The following HCRTR2 variants were observed in gnomAD, a reference collection of about 807,000 sequenced individuals.
HCRTR2 encodes the protein hypocretin receptor 2, also known as orexin receptor type 2.
A neutral mutation model predicts 49.0 loss-of-function variants in HCRTR2; 22 were observed. The ratio of observed to expected loss-of-function variants is 0.45; its 90% CI spans 0.32 to 0.64. HCRTR2 has a LOEUF of 0.64. Ranked by LOEUF, HCRTR2 falls within the 30% of genes least tolerant of loss-of-function variation. The probability of loss-of-function intolerance (pLI) is 0.04; values close to 1 mark genes in which losing one functional copy is unlikely to be tolerated. For missense variants in HCRTR2, 491 were observed against 559.4 expected (o/e 0.88, Z 1.23); for synonymous variants, 236 against 205.3 (o/e 1.15, Z -1.28).
chr6:55,241,541 G>T (rs1053855112), intron 1 of HCRTR2, among the ~76,000 whole-genome samples: 27 of 151,958 alleles, frequency 1.8e-4, no homozygotes, highest in Non-Finnish European at 3.5e-4. Flanking sequence ...AAACAACCAA[G>T]AAATCGCAAA....
chr6:55,197,039 CAAAACT>C (rs1765428748), intron 1 of HCRTR2, among the ~76,000 whole-genome samples: 1 of 152,114 alleles, frequency 6.6e-6, no homozygotes. Flanking sequence ...CTCTGTACTT[CAAAACT>C]AAAACTAATT....
intron 4 of HCRTR2, among the ~76,000 whole-genome samples, chr6:55,265,312 C>G (rs1285090914): frequency 2.0e-5 from 3 of 152,012 alleles, no homozygotes; most frequent in Non-Finnish European, 4.4e-5. Flanking sequence ...ATTATTGTAT[C>G]TGTCAGGTTT....
At chr6:55,204,401 T>C (rs1765564602) in intron 1 of HCRTR2, among the ~76,000 whole-genome samples, 1 of 152,224 alleles carries the variant, frequency 6.6e-6, no homozygotes, top group Non-Finnish European at 1.5e-5. Context: ...ATTTTTCTAA[T>C]AGTGTTCATT....
rs745939954 is a variant in HCRTR2 at position 55,245,469 on chromosome 6, T to TTATATATATATA, written c.224-3144_224-3133dup. On this transcript the variant is annotated intron_variant, in intron 1 of 6. Coordinates refer to ENST00000370862, the MANE Select transcript of HCRTR2 (RefSeq NM_001384272.1). ...TACACATAGAATACATAGGAAGATTTTATATATATATATATATATATATAT... is the reference window on the plus strand; with the variant it reads ...TACACATAGAATACATAGGAAGATTTTATATATATATATATATATATATATATATATATATAT... Among the ~76,000 whole-genome samples the TTATATATATATA allele has an allele frequency of 7.2e-3, 406 of 56,652 alleles. 2 individuals are homozygous for TTATATATATATA. The highest frequency in any genetic ancestry group is 0.01 in the Middle Eastern group (1 of 96). The allele number at this position is 56,652 out of a possible 152,430, so 37.2% of individuals were successfully genotyped here.
At chr6:55,222,413 G>A (rs574346694) in intron 1 of HCRTR2, among the ~76,000 whole-genome samples, 3 of 151,866 alleles carry the variant, frequency 2.0e-5, no homozygotes, top group South Asian at 4.2e-4. Context: ...AAAACTATAC[G>A]ATCCAGTAAT....
At chr6:55,132,242 G>A (rs1247181243) in intron 1 of HCRTR2, among the ~76,000 whole-genome samples, 1 of 151,664 alleles carries the variant, frequency 6.6e-6, no homozygotes, top group Non-Finnish European at 1.5e-5. Flanking sequence ...GTAAATTTGA[G>A]GGCAATCATT....
chr6:55,237,192 A>G (rs1766230484), intron 1 of HCRTR2, among the ~76,000 whole-genome samples: 1 of 151,832 alleles, frequency 6.6e-6, no homozygotes, highest in Non-Finnish European at 1.5e-5. Flanking sequence ...CTTTCTTGAC[A>G]TTATTAATTC....
chr6:55,118,354 T>A (rs1764148935), intron 1 of HCRTR2, among the ~76,000 whole-genome samples: 1 of 152,036 alleles, frequency 6.6e-6, no homozygotes, highest in Non-Finnish European at 1.5e-5. Context: ...AGTGTTGCAA[T>A]GAACATATGT....
chr6:55,234,692 G>A (rs553633002), intron 1 of HCRTR2, among the ~76,000 whole-genome samples: 6 of 152,172 alleles, frequency 3.9e-5, no homozygotes, highest in East Asian at 3.9e-4. Flanking sequence ...CAAAAAGTAC[G>A]AAATGTTGGC....
At position 55,112,548 on chromosome 6, in the gene HCRTR2, CAAA is replaced by C. The variant is rs34704863; in HGVS notation, c.-378+6019_-378+6021del. Among the ~76,000 whole-genome samples, 538 of 79,146 alleles carry C rather than the reference CAAA, an allele frequency of 6.8e-3. 6 individuals are homozygous for C. The highest frequency in any genetic ancestry group is 0.058 in the South Asian group (130 of 2,258). The allele number at this position is 79,146 out of a possible 152,430, so 51.9% of individuals were successfully genotyped here. A position where few individuals can be genotyped will look rare whatever the true frequency, so the allele number is the denominator to read the frequency against. On this transcript the variant is annotated intron_variant, in intron 1 of 7. Coordinates refer to the HCRTR2 transcript ENST00000615358. The stretch of plus-strand genomic sequence containing the variant: ...AATTCAACCCCTTTTACAATAGCTG[CAAA>C]AAAAAAAAAAAAAAACCTTAGGAAT...
At chr6:55,123,399 A>G (rs1428816473) in intron 1 of HCRTR2, among the ~76,000 whole-genome samples, 3 of 151,964 alleles carry the variant, frequency 2.0e-5, no homozygotes, top group Admixed American at 6.6e-5. Context: ...GGTTTTTGTC[A>G]TTGATTCTGT....
intron 1 of HCRTR2, among the ~76,000 whole-genome samples, chr6:55,181,638 G>GA (rs912078868): frequency 6.6e-5 from 10 of 151,808 alleles, no homozygotes; most frequent in East Asian, 5.8e-4. Context: ...CTTTTTTAAT[G>GA]AAAAAAAACT....
intron 1 of HCRTR2, among the ~76,000 whole-genome samples, chr6:55,140,087 C>T (rs1160820010): frequency 6.6e-6 from 1 of 151,980 alleles, no homozygotes; most frequent in Admixed American, 6.6e-5. Context: ...TCCTGGGCAC[C>T]CTGACCTCTT....
At chr6:55,265,444 A>G (rs1766843887) in intron 4 of HCRTR2, among the ~76,000 whole-genome samples, 1 of 152,158 alleles carries the variant, frequency 6.6e-6, no homozygotes. Flanking sequence ...TTCTCATTCC[A>G]GAACCTAGTC....
intron 1 of HCRTR2, among the ~76,000 whole-genome samples, chr6:55,224,626 T>TTAA (rs571430419): frequency 3.5e-5 from 5 of 142,394 alleles, no homozygotes; most frequent in Non-Finnish European, 7.7e-5. Flanking sequence ...CCGTCTCAGT[T>TTAA]AAAAAAAAAA....
chr6:55,114,413 G>A (rs4451134), intron 1 of HCRTR2, among the ~76,000 whole-genome samples: 8,732 of 151,730 alleles, frequency 0.058, 377 homozygotes, highest in African/African-American at 0.11. Context: ...ATTAGTTAGC[G>A]TTCATCCTGC....
rs887233134 is a variant in HCRTR2, at chr6:55,228,219, G to A, written c.224-20420G>A. Among the ~76,000 whole-genome samples, 3 of 104,740 alleles carry A rather than the reference G, an allele frequency of 2.9e-5. No homozygotes were observed. In the East Asian group the frequency reaches 8.3e-4, roughly 29 times the overall value. The allele number at this position is 104,740 out of a possible 152,430, so 68.7% of individuals were successfully genotyped here. A position where few individuals can be genotyped will look rare whatever the true frequency, so the allele number is the denominator to read the frequency against. On this transcript the variant is annotated intron_variant, in intron 1 of 6. Transcript: ENST00000370862. ...TCAAGCGGAATGGGGATAGACAAAA[G>A]TTTTGAAATTTATGTGTAAGAGTTG...
chr6:55,130,757 A>T (rs1450207771), intron 1 of HCRTR2, among the ~76,000 whole-genome samples: 2 of 151,874 alleles, frequency 1.3e-5, no homozygotes, highest in African/African-American at 4.8e-5. Flanking sequence ...TCTATATTTT[A>T]TATAGTTTTC....
intron 1 of HCRTR2, among the ~76,000 whole-genome samples, chr6:55,113,599 A>G (rs1157866828): frequency 1.3e-5 from 2 of 152,158 alleles, no homozygotes; most frequent in East Asian, 1.9e-4. Context: ...TACTCCTGCA[A>G]GAGTAATTTT....
Sources: allele counts gnomAD v4.1 joint callset (sites outside exome capture counted in the v4.1 genomes callset), GRCh38; gene constraint gnomAD v4.1.1; transcripts MANE v1.5; gene names NCBI Gene and HGNC (gene_info 2026-07-23, HGNC 2026-07-21).